Variants in ZNF573 observed in about 807,000 individuals in gnomAD.
The protein encoded by ZNF573 is zinc finger protein 573.
A neutral mutation model predicts 57.4 loss-of-function variants in ZNF573; 41 were observed. The observed-to-expected ratio is 0.71, with a 90% CI of 0.56 to 0.93. ZNF573 has a LOEUF of 0.93. Among genes scored for constraint, ZNF573 ranks in the 40% least tolerant of loss-of-function variants. ZNF573 has a pLI of 0.00. For missense variants in ZNF573, 730 were observed against 794.8 expected (o/e 0.92, Z 0.98); for synonymous variants, 249 against 261.0 (o/e 0.95, Z 0.44).
At chr19:37,771,751 G>A in intron 2 of ZNF573, 55 bp from the exon 3 acceptor site, 3 of 1,535,724 alleles carry the variant, frequency 2.0e-6, no homozygotes, top group Admixed American at 2.3e-5. Context: ...GGAAAGATAG[G>A]AGATTACAAG....
At chr19:37,750,406 G>A (rs937744701) in intron 4 of ZNF573, among the ~76,000 whole-genome samples, 17 of 152,154 alleles carry the variant, frequency 1.1e-4, no homozygotes, top group African/African-American at 3.9e-4. Context: ...GAAGGATAAT[G>A]AAAAACAAAA....
At chr19:37,763,198 C>T (rs1370718336) in intron 4 of ZNF573, among the ~76,000 whole-genome samples, 1 of 152,104 alleles carries the variant, frequency 6.6e-6, no homozygotes, top group Non-Finnish European at 1.5e-5. Flanking sequence ...GCATGAATCA[C>T]TGCAGCCATG....
intron 4 of ZNF573, chr19:37,758,624 A>T (rs2045521427): frequency 6.6e-6 from 1 of 151,830 alleles, no homozygotes; most frequent in Admixed American, 6.6e-5. Flanking sequence ...AGGAAAAAAA[A>T]AATTACCCAG....
At chr19:37,759,644 C>T (rs909304487) in intron 4 of ZNF573, among the ~76,000 whole-genome samples, 1 of 152,040 alleles carries the variant, frequency 6.6e-6, no homozygotes, top group Non-Finnish European at 1.5e-5. Flanking sequence ...AGGAAAATGG[C>T]GTGAACCCGG....
Position 37,738,410 on chromosome 19 carries a change from T to C in ZNF573, c.*82A>G. 1 of 1,402,510 alleles carries C rather than the reference T, an allele frequency of 7.1e-7. No homozygotes were observed. Among genetic ancestry groups the C allele is most frequent in the Non-Finnish European group, 9.4e-7 (1 of 1,068,448 alleles). The allele number at this position is 1,402,510 out of a possible 1,614,324, so 86.9% of individuals were successfully genotyped here. On this transcript the variant is annotated 3_prime_UTR_variant, in exon 5 of 5. Coordinates refer to ENST00000536220, the MANE Select transcript of ZNF573 (RefSeq NM_001172690.2). ...TGAACTCTCTCAATTGCTAAAGCCATACCTATAAGACTAACATTCCATCAT... is the reference window on the plus strand; with the variant it reads ...TGAACTCTCTCAATTGCTAAAGCCACACCTATAAGACTAACATTCCATCAT...
chr19:37,749,509 A>T (rs75116694), intron 4 of ZNF573, among the ~76,000 whole-genome samples: 35 of 152,260 alleles, frequency 2.3e-4, no homozygotes, highest in African/African-American at 8.4e-4. Flanking sequence ...AACAATTTAT[A>T]AAGCAGATGT....
Position 37,738,673 on chromosome 19 carries a change from C to T in ZNF573, c.1817G>A (p.Gly606Asp), listed in dbSNP as rs1211159085. ...YLTQHQKIHTGGKPYECKECG... is the reference protein window; with the variant it reads ...YLTQHQKIHTDGKPYECKECG... ...TTCTTTACATTCATAAGGTTTTCCACCAGTATGAATTTTCTGATGTTGGGT... is the reference window on the plus strand; with the variant it reads ...TTCTTTACATTCATAAGGTTTTCCATCAGTATGAATTTTCTGATGTTGGGT... Residue 606 changes from glycine (G) to aspartate (D), a missense_variant, in exon 5 of 5, where the codon GGT becomes GAT. By Grantham distance (94) the Gly-to-Asp change is moderately conservative. Coordinates refer to ENST00000536220, the MANE Select transcript of ZNF573 (RefSeq NM_001172690.2). The T allele has an allele frequency of 2.5e-6, 4 of 1,611,366 alleles. No homozygotes were observed. In the South Asian group the frequency reaches 4.4e-5, roughly 18 times the overall value.
chr19:37,740,654 T>C (rs186413886), intron 4 of ZNF573: 4 of 453,240 alleles, frequency 8.8e-6, no homozygotes, highest in South Asian at 1.6e-5. Flanking sequence ...GGAGGTCTCA[T>C]GTCAAAACAT....
chr19:37,777,530 T>C (rs1360073621), intron 1 of ZNF573, among the ~76,000 whole-genome samples: 1 of 151,916 alleles, frequency 6.6e-6, no homozygotes, highest in Non-Finnish European at 1.5e-5. Flanking sequence ...TTATTCTAAG[T>C]GAAGTAACTC....
intron 4 of ZNF573, among the ~76,000 whole-genome samples, chr19:37,744,168 G>C (rs1021617615): frequency 2.6e-5 from 4 of 151,754 alleles, no homozygotes; most frequent in Admixed American, 1.3e-4. Flanking sequence ...ACACCAAAAA[G>C]GTATGAAAGG....
Position 37,738,314 on chromosome 19 carries a change from T to A in ZNF573, c.*178A>T. 4 of 505,072 alleles carry A rather than the reference T, an allele frequency of 7.9e-6. No individual in the cohort carries two copies. The highest frequency in any genetic ancestry group is 1.3e-5 in the Non-Finnish European group (4 of 313,056). The allele number at this position is 505,072 out of a possible 1,614,324, so 31.3% of individuals were successfully genotyped here. On this transcript the variant is annotated 3_prime_UTR_variant, in exon 5 of 5. Coordinates refer to ENST00000536220, the MANE Select transcript of ZNF573 (RefSeq NM_001172690.2). ...TTTTTTTTTTTTTCTTAATTTACCA[T>A]TGAATAGTCAGATATTCCATTAAAA...
At chr19:37,760,167 G>GTTC (rs1184865829) in intron 4 of ZNF573, among the ~76,000 whole-genome samples, 1 of 152,186 alleles carries the variant, frequency 6.6e-6, no homozygotes, top group Non-Finnish European at 1.5e-5. Flanking sequence ...AGCACGAAGA[G>GTTC]GGTCCACGAG....
chr19:37,774,904 A>G (rs2045693506), intron 1 of ZNF573, among the ~76,000 whole-genome samples: 2 of 152,188 alleles, frequency 1.3e-5, no homozygotes, highest in South Asian at 4.1e-4. Context: ...CTTAAAAAAT[A>G]CATGTGTACA....
chr19:37,765,033 G>A (rs1461736931), intron 4 of ZNF573, among the ~76,000 whole-genome samples: 3 of 150,916 alleles, frequency 2.0e-5, no homozygotes, highest in African/African-American at 7.3e-5. Flanking sequence ...AGCCTCCCCA[G>A]TAGCTGGAAT....
intron 4 of ZNF573, 32 bp from the exon 5 acceptor site, chr19:37,740,226 G>A (rs1223818511): frequency 2.0e-6 from 3 of 1,517,192 alleles, no homozygotes; most frequent in Non-Finnish European, 2.6e-6. Context: ...AAAAAAATTT[G>A]TATTTCTATA....
At chr19:37,763,062 C>T (rs978237979) in intron 4 of ZNF573, among the ~76,000 whole-genome samples, 2 of 151,942 alleles carry the variant, frequency 1.3e-5, no homozygotes, top group Non-Finnish European at 2.9e-5. Context: ...CATGAGCCAC[C>T]GCGCCCAGCC....
chr19:37,764,838 C>T (rs977206385), intron 4 of ZNF573, among the ~76,000 whole-genome samples: 4 of 151,166 alleles, frequency 2.6e-5, no homozygotes, highest in Non-Finnish European at 4.4e-5. Flanking sequence ...CTCCTGACCT[C>T]GTGATCCGTC....
At chr19:37,773,079 T>C in intron 2 of ZNF573, 2 of 613,424 alleles carry the variant, frequency 3.3e-6, no homozygotes, top group Non-Finnish European at 4.1e-6. Flanking sequence ...GATACTGATA[T>C]AGGATGACTC....
intron 4 of ZNF573, among the ~76,000 whole-genome samples, chr19:37,760,910 C>T (rs998477236): frequency 3.4e-4 from 52 of 151,882 alleles, no homozygotes; most frequent in African/African-American, 1.3e-3. Flanking sequence ...AAGATGTGTA[C>T]AAGCAGGCCG....
Sources: allele counts gnomAD v4.1 joint callset (sites outside exome capture counted in the v4.1 genomes callset), GRCh38; gene constraint gnomAD v4.1.1; transcripts MANE v1.5; gene names NCBI Gene and HGNC (gene_info 2026-07-23, HGNC 2026-07-21).